PIGN: variants seen among roughly 807,000 people sequenced by gnomAD.
PIGN encodes the protein GPI ethanolamine phosphate transferase 1.
Under a neutral mutation model 125.4 loss-of-function variants are expected in PIGN, and 117 were observed. That is an observed-to-expected ratio of 0.93 (90% CI 0.80 to 1.09). PIGN has a LOEUF of 1.09. PIGN is among the 50% of genes least tolerant of loss of function. The pLI is 0.00. For missense variants in PIGN, 1,075 were observed against 1,094.9 expected, an observed-to-expected ratio of 0.98 and a Z score of 0.26; for synonymous variants, 392 against 377.8, an observed-to-expected ratio of 1.04 and a Z score of -0.44.
intron 1 of PIGN, among the ~76,000 whole-genome samples, chr18:62,183,412 G>T (rs988886082): frequency 5.9e-5 from 9 of 151,914 alleles, no homozygotes; most frequent in Non-Finnish European, 5.9e-5. Flanking sequence ...CACATCACTG[G>T]CCCCTTCTTT....
At chr18:62,029,786 C>T (rs2030168795) in intron 23 of PIGN, among the ~76,000 whole-genome samples, 1 of 152,204 alleles carries the variant, frequency 6.6e-6, no homozygotes, top group Admixed American at 6.5e-5. Context: ...GCAGGAGTGA[C>T]ATGCATCTGC....
At position 62,138,427 on chromosome 18, in the gene PIGN, C is replaced by T. The variant is rs377336582; in HGVS notation, c.1117-129G>A. On this transcript the variant is annotated intron_variant, in intron 13 of 30. Transcript: ENST00000640252. ...TGAAAATAAATGGAATTTTATGTTA[C>T]TATATTGTTTCATAAATATTTAAAG... 1.8e-4 allele frequency: 236 copies of T among 1,280,158 alleles called. 2 individuals carry two copies. In the South Asian group the frequency reaches 4.0e-3, roughly 22 times the overall value. The allele number at this position is 1,280,158 out of a possible 1,614,324, so 79.3% of individuals were successfully genotyped here.
chr18:62,113,711 A>AT (rs2034972769), intron 15 of PIGN, among the ~76,000 whole-genome samples: 1 of 152,182 alleles, frequency 6.6e-6, no homozygotes, highest in Non-Finnish European at 1.5e-5. Context: ...AACATCATTA[A>AT]GTAGCTTAAT....
At position 62,148,747 on chromosome 18, in the gene PIGN, T is replaced by C. The variant is rs539499103; in HGVS notation, c.550-409A>G. On this transcript the variant is annotated intron_variant, in intron 7 of 30. Transcript: ENST00000640252. Reference sequence around the variant, plus strand: ...TATTTCAGAACTGGACCACTTTTCATTGTCCTGTGTACTATCAACCTAGTC... The same window carrying C: ...TATTTCAGAACTGGACCACTTTTCACTGTCCTGTGTACTATCAACCTAGTC... Among the ~76,000 whole-genome samples, 8 of 152,272 alleles carry C rather than the reference T, an allele frequency of 5.3e-5. No individual in the cohort carries two copies. The South Asian group carries it at 1.7e-3, about 32-fold the overall frequency.
At chr18:62,072,514 G>T (rs1209225994) in intron 30 of PIGN, 159 bp downstream of exon 30, 3 of 569,112 alleles carry the variant, frequency 5.3e-6, no homozygotes, top group Non-Finnish European at 9.4e-6. Flanking sequence ...TAGTCTAGGA[G>T]CAATAGGCTG....
intron 14 of PIGN, among the ~76,000 whole-genome samples, chr18:62,135,009 T>C (rs1450420666): frequency 6.6e-6 from 1 of 152,222 alleles, no homozygotes; most frequent in Non-Finnish European, 1.5e-5. Context: ...TTTCATTTAG[T>C]TTGAGGTCCA....
rs141833143 is a variant in PIGN at position 62,140,167 on chromosome 18, T to C, written c.1023+253A>G. Among the ~76,000 whole-genome samples, 1,139 of 150,662 alleles carry C rather than the reference T, an allele frequency of 7.6e-3. 5 individuals are homozygous for C. The highest frequency in any genetic ancestry group is 0.012 in the Non-Finnish European group (798 of 67,564). On this transcript the variant is annotated intron_variant, in intron 12 of 30. Coordinates refer to ENST00000640252, the MANE Select transcript of PIGN (RefSeq NM_176787.5). ...ATATTTAGAAATAAATATACAGGAA[T>C]ATATAGTTTTAAATGTAATCAAAGA...
intron 14 of PIGN, among the ~76,000 whole-genome samples, chr18:62,120,713 C>T (rs974199444): frequency 1.3e-5 from 2 of 151,330 alleles, no homozygotes; most frequent in East Asian, 3.9e-4. Flanking sequence ...AAATAACAAG[C>T]CAATATGTGG....
chr18:62,140,329 G>C (rs1199262569), intron 12 of PIGN, 91 bp downstream of exon 12: 5 of 586,308 alleles, frequency 8.5e-6, no homozygotes, highest in Non-Finnish European at 1.5e-5. Flanking sequence ...AAAAAACCCA[G>C]ATTATTCAGA....
intron 23 of PIGN, among the ~76,000 whole-genome samples, chr18:62,028,399 A>G (rs1022088854): frequency 6.6e-6 from 1 of 152,238 alleles, no homozygotes; most frequent in Non-Finnish European, 1.5e-5. Flanking sequence ...CATTTAGACC[A>G]TCTGCTCTAA....
chr18:62,149,163 A>G (rs1323939779), intron 7 of PIGN, among the ~76,000 whole-genome samples: 1 of 152,180 alleles, frequency 6.6e-6, no homozygotes, highest in Non-Finnish European at 1.5e-5. Context: ...TTAACTTTTC[A>G]ACAAAAGTCT....
chr18:62,121,036 T>C (rs1182054818), intron 14 of PIGN, among the ~76,000 whole-genome samples: 3 of 152,140 alleles, frequency 2.0e-5, no homozygotes, highest in Non-Finnish European at 4.4e-5. Context: ...ATATAAACAA[T>C]GCTGCTGTCA....
intron 14 of PIGN, among the ~76,000 whole-genome samples, chr18:62,130,453 T>G (rs2035689863): frequency 6.6e-6 from 1 of 152,144 alleles, no homozygotes; most frequent in Non-Finnish European, 1.5e-5. Context: ...TAGTAATTTG[T>G]GAGGAAAAAT....
intron 1 of PIGN, chr18:62,184,629 G>A (rs573113189): frequency 2.0e-5 from 3 of 152,224 alleles, no homozygotes; most frequent in East Asian, 3.9e-4. Flanking sequence ...AGATTTGTAT[G>A]GGAAGAATTC....
intron 30 of PIGN, among the ~76,000 whole-genome samples, chr18:62,063,017 G>A (rs1440986727): frequency 1.3e-5 from 2 of 149,752 alleles, no homozygotes; most frequent in African/African-American, 2.5e-5. Flanking sequence ...GGAACATCAT[G>A]ATAGACGTTA....
intron 30 of PIGN, among the ~76,000 whole-genome samples, chr18:62,062,666 T>A (rs888750982): frequency 3.3e-5 from 5 of 152,112 alleles, no homozygotes; most frequent in Non-Finnish European, 4.4e-5. Context: ...TCACGAAATA[T>A]TCCTATAGCA....
intron 23 of PIGN, among the ~76,000 whole-genome samples, chr18:62,029,397 C>T (rs897508104): frequency 2.0e-5 from 3 of 152,176 alleles, no homozygotes; most frequent in African/African-American, 7.2e-5. Context: ...CTAATCCAAC[C>T]TCACAGCTGA....
Position 62,088,838 on chromosome 18 carries a change from G to A in PIGN, c.2288C>T (p.Thr763Ile), listed in dbSNP as rs2033831809. The A allele has an allele frequency of 2.6e-6, 4 of 1,517,650 alleles. No homozygotes were observed. The highest frequency in any genetic ancestry group is 1.9e-5 in the Admixed American group (1 of 51,566). The allele number at this position is 1,517,650 out of a possible 1,614,324, so 94.0% of individuals were successfully genotyped here. A position where few individuals can be genotyped will look rare whatever the true frequency, so the allele number is the denominator to read the frequency against. ...QSGVCCKQKL[T>I]SIQFSYNTDI... ...AGTATTATAAGAGAACTGGATACTG[G>A]TGAGCTGTGAGATAATAAGAAAAAT... Residue 763 changes from threonine to isoleucine, a missense_variant, in exon 25 of 31, where the codon ACC becomes ATC. Physicochemically the swap from Thr to Ile is moderately conservative, Grantham distance 89. Coordinates refer to ENST00000640252, the MANE Select transcript of PIGN (RefSeq NM_176787.5).
intron 30 of PIGN, among the ~76,000 whole-genome samples, chr18:62,048,087 A>T (rs186751109): frequency 1.1e-4 from 17 of 152,334 alleles, no homozygotes; most frequent in African/African-American, 4.1e-4. Context: ...AGTGCTCAAT[A>T]GCAGAACTGA....
Sources: allele counts gnomAD v4.1 joint callset (sites outside exome capture counted in the v4.1 genomes callset), GRCh38; gene constraint gnomAD v4.1.1; transcripts MANE v1.5; gene names NCBI Gene and HGNC (gene_info 2026-07-23, HGNC 2026-07-21).